ABAT: variants seen among roughly 807,000 people sequenced by gnomAD.
ABAT encodes 4-aminobutyrate aminotransferase, mitochondrial.
In ABAT, 45 loss-of-function variants were observed where a neutral mutation model predicts 64.6. That is an observed-to-expected ratio of 0.70 (90% confidence interval 0.55 to 0.89). The LOEUF is 0.89. Ranked by LOEUF, ABAT falls within the 40% of genes least tolerant of loss-of-function variation. The probability of loss-of-function intolerance (pLI) is 0.00; values close to 1 mark genes in which losing one functional copy is unlikely to be tolerated. For synonymous variants in ABAT, 297 were observed against 250.5 expected (o/e 1.19, Z -1.75); for missense variants, 633 against 658.4 (o/e 0.96, Z 0.42).
chr16:8,675,860 G>A (rs994743044), intron 1 of ABAT, among the ~76,000 whole-genome samples: 1 of 152,106 alleles, frequency 6.6e-6, no homozygotes, highest in Non-Finnish European at 1.5e-5. Context: ...AAGAGGGCCC[G>A]CATTTCCCCC....
At position 8,776,589 on chromosome 16, in the gene ABAT, G is replaced by A. The variant is rs935141171; in HGVS notation, c.1269+99G>A. ...TCTTCGGCATGGTGTTGTGCCTGCT[G>A]TTCCAGCAGTTCGTAACGGGCTGTG... On this transcript the variant is annotated intron_variant, in intron 14 of 15. Coordinates refer to ENST00000268251, the MANE Select transcript of ABAT (RefSeq NM_020686.6). This position sits in a 1 kb window ranked among gnomAD's most constrained non-coding sequence, Gnocchi z 4.4. 3.9e-6 allele frequency: 5 copies of A among 1,289,496 alleles called. No homozygotes were observed. The highest frequency in any genetic ancestry group is 1.1e-6 in the Non-Finnish European group (1 of 918,470). The allele number at this position is 1,289,496 out of a possible 1,614,324, so 79.9% of individuals were successfully genotyped here.
At chr16:8,758,307 G>A (rs528155749) in intron 6 of ABAT, among the ~76,000 whole-genome samples, 1 of 152,226 alleles carries the variant, frequency 6.6e-6, no homozygotes, top group Admixed American at 6.5e-5. Flanking sequence ...GCTATTTGGG[G>A]ATGGAGAGGG....
At chr16:8,734,656 G>A (rs2058858878) in intron 1 of ABAT, among the ~76,000 whole-genome samples, 1 of 152,162 alleles carries the variant, frequency 6.6e-6, no homozygotes, top group African/African-American at 2.4e-5. Context: ...CGGGAAACAG[G>A]GTCCATGAAG....
intron 1 of ABAT, among the ~76,000 whole-genome samples, chr16:8,681,769 G>A (rs1291650513): frequency 6.6e-6 from 1 of 151,722 alleles, no homozygotes; most frequent in Non-Finnish European, 1.5e-5. Flanking sequence ...AGCATCCTGA[G>A]TAGCTGGGAT....
At chr16:8,773,107 C>T (rs1297911207) in intron 12 of ABAT, among the ~76,000 whole-genome samples, 190 bp downstream of exon 12, 1 of 46,396 alleles carries the variant, frequency 2.2e-5, no homozygotes, top group African/African-American at 1.2e-4. Flanking sequence ...TAAAACTATA[C>T]ACACACACAC....
At chr16:8,675,945 G>C (rs924342014) in intron 1 of ABAT, among the ~76,000 whole-genome samples, 3 of 152,168 alleles carry the variant, frequency 2.0e-5, no homozygotes, top group Non-Finnish European at 4.4e-5. Context: ...CAAGAGAAAT[G>C]GGTGCTGCTG....
intron 2 of ABAT, among the ~76,000 whole-genome samples, chr16:8,740,689 G>A (rs1292275234): frequency 1.3e-5 from 2 of 152,178 alleles, no homozygotes; most frequent in East Asian, 1.9e-4. Context: ...TGTTCCCAAT[G>A]GCATCATTTT....
intron 4 of ABAT, among the ~76,000 whole-genome samples, chr16:8,750,129 A>G (rs1462868209): frequency 6.6e-6 from 1 of 152,244 alleles, no homozygotes; most frequent in Admixed American, 6.5e-5. Context: ...AAGGTTTACC[A>G]TACATATCTT....
At chr16:8,726,004 C>G (rs1404614207) in intron 1 of ABAT, among the ~76,000 whole-genome samples, 1 of 152,046 alleles carries the variant, frequency 6.6e-6, no homozygotes, top group Admixed American at 6.6e-5. Context: ...TCCCTGGGAG[C>G]CTGCCTAAAC....
chr16:8,719,407 G>A (rs2058301474), intron 1 of ABAT, among the ~76,000 whole-genome samples: 1 of 152,154 alleles, frequency 6.6e-6, no homozygotes, highest in Non-Finnish European at 1.5e-5. Context: ...GGCTATCTGT[G>A]TCTCACATTC....
At chr16:8,763,040 T>C (rs1337816186) in intron 6 of ABAT, among the ~76,000 whole-genome samples, 1 of 149,140 alleles carries the variant, frequency 6.7e-6, no homozygotes, top group East Asian at 2.0e-4. Context: ...GTCTCGGAGG[T>C]TGAGGCTGCA....
chr16:8,750,608 G>T (rs567829312), intron 5 of ABAT, 69 bp downstream of exon 5: 98 of 1,420,500 alleles, frequency 6.9e-5, no homozygotes, highest in Middle Eastern at 4.6e-4. Flanking sequence ...GGCTATCCAG[G>T]TATTAGGATG....
intron 2 of ABAT, among the ~76,000 whole-genome samples, chr16:8,739,701 G>C (rs1420010163): frequency 2.0e-5 from 3 of 151,920 alleles, no homozygotes; most frequent in Non-Finnish European, 4.4e-5. Context: ...CAGTAAGGTG[G>C]GAAGTGTCCT....
At position 8,763,479 on chromosome 16, in the gene ABAT, G is replaced by T. The variant is rs148478682; in HGVS notation, c.367-590G>T. On this transcript the variant is annotated intron_variant, in intron 6 of 15. Coordinates refer to ENST00000268251, the MANE Select transcript of ABAT (RefSeq NM_020686.6). Reference sequence around the variant, plus strand: ...CTCTGGGAACCCCTCTGCCCTTAGGGTGTCCTATACAGTGATGCTGGTTTT... The same window carrying T: ...CTCTGGGAACCCCTCTGCCCTTAGGTTGTCCTATACAGTGATGCTGGTTTT... Among the ~76,000 whole-genome samples, 100 of 152,338 alleles carry T rather than the reference G, an allele frequency of 6.6e-4. No individual in the cohort carries two copies. The East Asian group carries it at 0.019, about 29-fold the overall frequency.
intron 6 of ABAT, among the ~76,000 whole-genome samples, chr16:8,759,388 A>C (rs1031896879): frequency 4.6e-5 from 7 of 151,136 alleles, no homozygotes; most frequent in African/African-American, 1.7e-4. Context: ...TTTTACTCCC[A>C]CTGAGAATGC....
chr16:8,692,777 C>A (rs868006008), intron 1 of ABAT, among the ~76,000 whole-genome samples: 1 of 152,188 alleles, frequency 6.6e-6, no homozygotes, highest in African/African-American at 2.4e-5. Flanking sequence ...GTTCGGCTAC[C>A]TGGCTGACTG....
At chr16:8,745,814 T>G (rs1000838793) in intron 2 of ABAT, among the ~76,000 whole-genome samples, 187 bp from the exon 3 acceptor site, 1 of 152,238 alleles carries the variant, frequency 6.6e-6, no homozygotes, top group Non-Finnish European at 1.5e-5. Context: ...TTCCCTTTTT[T>G]AAAATCTACA....
intron 11 of ABAT, among the ~76,000 whole-genome samples, chr16:8,769,532 C>T (rs993476358): frequency 4.4e-5 from 6 of 136,684 alleles, no homozygotes; most frequent in African/African-American, 1.7e-4. Flanking sequence ...GCACTCCAGC[C>T]TGGGTAACGG....
chr16:8,742,252 T>C (rs563077083), intron 2 of ABAT, among the ~76,000 whole-genome samples: 85 of 152,344 alleles, frequency 5.6e-4, no homozygotes, highest in African/African-American at 1.7e-3. Flanking sequence ...CATTTCTCTC[T>C]GGATCCATTC....
Sources: allele counts gnomAD v4.1 joint callset (sites outside exome capture counted in the v4.1 genomes callset), GRCh38; gene constraint gnomAD v4.1.1; non-coding constraint Gnocchi (gnomAD v3.1); transcripts MANE v1.5; gene names NCBI Gene and HGNC (gene_info 2026-07-23, HGNC 2026-07-21).